GOT2: variants seen among roughly 807,000 people sequenced by gnomAD.
The protein encoded by GOT2 is glutamic-oxaloacetic transaminase 2.
In GOT2, 17 loss-of-function variants were observed where a neutral mutation model predicts 50.0. The ratio of observed to expected loss-of-function variants is 0.34; its 90% CI spans 0.23 to 0.51. GOT2 has a LOEUF of 0.51. Ranked by LOEUF, GOT2 falls within the 20% of genes least tolerant of loss-of-function variation. GOT2 has a pLI of 0.97. For missense variants in GOT2, 430 were observed against 559.6 expected (o/e 0.77, Z 2.34); for synonymous variants, 172 against 204.9 (o/e 0.84, Z 1.37).
intron 9 of GOT2, 109 bp downstream of exon 9, chr16:58,709,304 AAAAC>A (rs1304497993): frequency 5.2e-4 from 503 of 970,046 alleles, no homozygotes; most frequent in Non-Finnish European, 5.6e-4. Flanking sequence ...AAAACAAAAC[AAAAC>A]AAAAAACCCG....
At chr16:58,730,694 A>C (rs1461308233) in intron 1 of GOT2, among the ~76,000 whole-genome samples, 1 of 152,152 alleles carries the variant, frequency 6.6e-6, no homozygotes, top group African/African-American at 2.4e-5. Context: ...GATTAGCCCC[A>C]CATTAGTAAC....
chr16:58,716,586 ACAC>A (rs866024513), intron 7 of GOT2, 74 bp downstream of exon 7: 11 of 1,153,840 alleles, frequency 9.5e-6, no homozygotes, highest in African/African-American at 6.5e-5. Flanking sequence ...ACACACACAC[ACAC>A]CCACAAGCTC....
chr16:58,716,076 A>G lies in GOT2; in HGVS notation c.957T>C (p.Pro319=), dbSNP rs1436531373. ...CAGCAATCCGGGCCCCATTGAGGGG[A>G]GGGTTGGAATACATGGGACGGATCA... ...KILIRPMYSN[P]PLNGARIAAA... Residue 319 remains proline (P), a synonymous_variant, in exon 8 of 10, where the codon CCT becomes CCC. Coordinates refer to ENST00000245206, the MANE Select transcript of GOT2 (RefSeq NM_002080.4). 6.2e-7 allele frequency: 1 copy of G among 1,613,582 alleles called. No homozygotes were observed. The highest frequency in any genetic ancestry group is 8.5e-7 in the Non-Finnish European group (1 of 1,179,788).
At chr16:58,710,800 TA>T (rs2044640945) in intron 8 of GOT2, among the ~76,000 whole-genome samples, 1 of 60,400 alleles carries the variant, frequency 1.7e-5, no homozygotes, top group Non-Finnish European at 4.7e-5. Context: ...ACCCCGTCTC[TA>T]ATAAAAATAC....
At chr16:58,733,578 C>A (rs745716146) in intron 1 of GOT2, among the ~76,000 whole-genome samples, 2 of 152,160 alleles carry the variant, frequency 1.3e-5, no homozygotes, top group African/African-American at 2.4e-5. Context: ...CGGGGGGTCG[C>A]AAGGTCAGGA....
At chr16:58,730,393 T>TC (rs2044825252) in intron 1 of GOT2, among the ~76,000 whole-genome samples, 1 of 150,678 alleles carries the variant, frequency 6.6e-6, no homozygotes, top group Non-Finnish European at 1.5e-5. Flanking sequence ...GGGATACAAT[T>TC]TTTTTTTTTG....
intron 6 of GOT2, among the ~76,000 whole-genome samples, chr16:58,717,262 C>T (rs547814791): frequency 3.3e-5 from 5 of 152,130 alleles, no homozygotes; most frequent in African/African-American, 1.2e-4. Flanking sequence ...TCTGTAGTCC[C>T]AGCTACTCAG....
chr16:58,732,391 A>G (rs2044841797), intron 1 of GOT2, among the ~76,000 whole-genome samples: 1 of 152,230 alleles, frequency 6.6e-6, no homozygotes, highest in South Asian at 2.1e-4. Context: ...AGAAGGAACA[A>G]TAAAATCTGT....
intron 1 of GOT2, 67 bp downstream of exon 1, chr16:58,734,073 T>TG: frequency 4.5e-6 from 4 of 896,766 alleles, no homozygotes; most frequent in Non-Finnish European, 6.0e-6. Context: ...GTGAATGTCC[T>TG]GGGGTGCTCG....
At chr16:58,723,601 C>T in intron 2 of GOT2, 145 bp downstream of exon 2, 3 of 696,638 alleles carry the variant, frequency 4.3e-6, no homozygotes, top group South Asian at 3.6e-5. Context: ...AGACTACAGC[C>T]CAGAAAACCC....
intron 5 of GOT2, 63 bp downstream of exon 5, chr16:58,718,464 G>A: frequency 6.9e-7 from 1 of 1,450,312 alleles, no homozygotes; most frequent in Non-Finnish European, 9.4e-7. Flanking sequence ...CATGGTGGGA[G>A]ACATCAAATG....
In GOT2 at chr16:58,722,267, C is replaced by T. The variant is rs1470165141; in HGVS notation, c.258G>A (p.Gln86=). 8 of 1,613,606 alleles carry T rather than the reference C, an allele frequency of 5.0e-6. No homozygotes were observed. Among genetic ancestry groups the T allele is most frequent in the South Asian group, 1.1e-5 (1 of 91,064 alleles). Residue 86 remains glutamine, a synonymous_variant, in exon 3 of 10, where the codon CAG becomes CAA. Coordinates refer to ENST00000245206, the MANE Select transcript of GOT2 (RefSeq NM_002080.4). ...VLPSVRKAEA[Q]IAAKNLDKEY... ...CCTTGTCCAAATTTTTTGCGGCAAT[C>T]TGGGCCTCTGCCTAGACAAGAGAAA... is the stretch of plus-strand genomic sequence containing the variant.
In GOT2 at chr16:58,718,250, G is replaced by A; in HGVS notation, c.648C>T (p.Pro216=). The A allele has an allele frequency of 6.2e-7, 1 of 1,614,108 alleles. No individual in the cohort carries two copies. Among genetic ancestry groups the A allele is most frequent in the Non-Finnish European group, 8.5e-7 (1 of 1,179,962 alleles). ...GTTCCGGACGCGGGTCCACTCCCGT[G>A]GGATTGTGGGCGCAGGCATGCAGAA... The part of the protein sequence containing the change: ...VLLLHACAHN[P]TGVDPRPEQW... The change falls in exon 6 of 10, where the codon CCC becomes CCT. Residue 216 remains proline (P), a synonymous_variant. Transcript: ENST00000245206.
intron 8 of GOT2, among the ~76,000 whole-genome samples, chr16:58,713,464 C>A (rs1399768937): frequency 1.3e-5 from 2 of 151,946 alleles, no homozygotes; most frequent in Admixed American, 1.3e-4. Flanking sequence ...CACAGTGAGA[C>A]CTTGTCTTTA....
rs926094603 is a variant in GOT2 at position 58,713,518 on chromosome 16, C to CA, written c.1019+2495dup. 1.2e-4 allele frequency among the ~76,000 whole-genome samples: 18 copies of CA among 151,632 alleles called. No homozygotes were observed. The East Asian group carries it at 1.5e-3, about 13-fold the overall frequency. On this transcript the variant is annotated intron_variant, in intron 8 of 9. Transcript: ENST00000245206. ...AAACAAAACAAAACAAAACAAAAAA[C>CA]AAAAAAAACTATCCTGAACCAGACT...
chr16:58,723,612 G>T, intron 2 of GOT2, 134 bp downstream of exon 2: 1 of 727,352 alleles, frequency 1.4e-6, no homozygotes, highest in Non-Finnish European at 2.4e-6. Flanking sequence ...CAGAAAACCC[G>T]GGTGATTCAT....
intron 6 of GOT2, among the ~76,000 whole-genome samples, chr16:58,717,309 A>G (rs566371450): frequency 2.0e-5 from 3 of 152,204 alleles, no homozygotes; most frequent in African/African-American, 7.2e-5. Flanking sequence ...CCCTGGAGGT[A>G]GAGGCTGCTG....
At chr16:58,718,933 T>G (rs925088525) in intron 4 of GOT2, among the ~76,000 whole-genome samples, 1 of 152,162 alleles carries the variant, frequency 6.6e-6, no homozygotes, top group Admixed American at 6.5e-5. Flanking sequence ...TAATTGTACC[T>G]CTCTCATAGG....
chr16:58,713,544 C>G (rs913464807), intron 8 of GOT2, among the ~76,000 whole-genome samples: 7 of 152,086 alleles, frequency 4.6e-5, no homozygotes, highest in Admixed American at 2.6e-4. Flanking sequence ...GAACCAGACT[C>G]TTAGTATTTA....
Sources: allele counts gnomAD v4.1 joint callset (sites outside exome capture counted in the v4.1 genomes callset), GRCh38; gene constraint gnomAD v4.1.1; transcripts MANE v1.5; gene names NCBI Gene and HGNC (gene_info 2026-07-23, HGNC 2026-07-21).